SEL1L2: variants seen among roughly 807,000 people sequenced by gnomAD.
SEL1L2 encodes protein sel-1 homolog 2.
SEL1L2 carries 89 observed loss-of-function variants against 98.8 expected under a neutral mutation model. The ratio of observed to expected loss-of-function variants is 0.90; its 90% CI spans 0.76 to 1.07. The LOEUF is 1.07. SEL1L2 is among the 50% of genes least tolerant of loss of function. The probability of loss-of-function intolerance (pLI) is 0.00; values close to 1 mark genes in which losing one functional copy is unlikely to be tolerated. For synonymous variants in SEL1L2, 262 were observed against 278.5 expected (o/e 0.94, Z 0.59); for missense variants, 788 against 812.0 (o/e 0.97, Z 0.36).
chr20:13,953,656 C>G (rs2050380617), intron 2 of SEL1L2, among the ~76,000 whole-genome samples: 2 of 152,134 alleles, frequency 1.3e-5, no homozygotes, highest in East Asian at 3.9e-4. Context: ...GGGTTGGTAA[C>G]CTGGATTTAA....
chr20:13,913,684 A>G, intron 5 of SEL1L2, 98 bp downstream of exon 5: 1 of 1,129,468 alleles, frequency 8.9e-7, no homozygotes, highest in Non-Finnish European at 1.2e-6. Context: ...GGGTTCATGC[A>G]GCAGAGCTGG....
At chr20:13,866,142 C>T (rs911299897) in intron 15 of SEL1L2, among the ~76,000 whole-genome samples, 2 of 152,018 alleles carry the variant, frequency 1.3e-5, no homozygotes, top group African/African-American at 4.8e-5. Flanking sequence ...TTCAGAGGGG[C>T]CAGATTGCAA....
chr20:13,981,551 G>A (rs1038058508), intron 1 of SEL1L2, among the ~76,000 whole-genome samples: 2 of 152,044 alleles, frequency 1.3e-5, no homozygotes, highest in African/African-American at 4.8e-5. Flanking sequence ...ACATCACATT[G>A]TGCCCCATAA....
chr20:13,993,967 A>C (rs1159780483), upstream of SEL1L2, among the ~76,000 whole-genome samples: 1 of 152,164 alleles, frequency 6.6e-6, no homozygotes, highest in African/African-American at 2.4e-5. Context: ...TCCTTCTTGA[A>C]GCCTTCTTTA....
intron 8 of SEL1L2, among the ~76,000 whole-genome samples, chr20:13,887,460 G>C (rs1363769003): frequency 6.6e-6 from 1 of 152,066 alleles, no homozygotes; most frequent in Non-Finnish European, 1.5e-5. Flanking sequence ...TAGGGAAACT[G>C]CTTAATATTT....
At chr20:13,953,630 G>C (rs2148434994) in intron 2 of SEL1L2, among the ~76,000 whole-genome samples, 1 of 152,302 alleles carries the variant, frequency 6.6e-6, no homozygotes, top group Non-Finnish European at 1.5e-5. Flanking sequence ...GGAAGAGTCT[G>C]GATTCTCCTA....
At chr20:13,982,301 A>G (rs1876338360) in intron 1 of SEL1L2, among the ~76,000 whole-genome samples, 1 of 152,104 alleles carries the variant, frequency 6.6e-6, no homozygotes. Flanking sequence ...GTTTGAGCTC[A>G]GGAGTTCAAG....
intron 5 of SEL1L2, among the ~76,000 whole-genome samples, chr20:13,892,101 A>T (rs907483288): frequency 6.6e-6 from 1 of 152,172 alleles, no homozygotes; most frequent in Non-Finnish European, 1.5e-5. Flanking sequence ...TATATAAATG[A>T]CTTGAGATTT....
At chr20:13,911,663 AATG>A (rs1360442740) in intron 5 of SEL1L2, among the ~76,000 whole-genome samples, 1 of 152,182 alleles carries the variant, frequency 6.6e-6, no homozygotes, top group Non-Finnish European at 1.5e-5. Context: ...GGATTTTTAA[AATG>A]ATGATGTCGG....
intron 7 of SEL1L2, 39 bp downstream of exon 7, chr20:13,887,903 G>A: frequency 1.2e-6 from 2 of 1,605,852 alleles, no homozygotes; most frequent in Non-Finnish European, 1.7e-6. Flanking sequence ...TGTATTTATG[G>A]CATACAAATT....
intron 4 of SEL1L2, among the ~76,000 whole-genome samples, chr20:13,918,522 T>TGAA (rs2048508667): frequency 6.6e-6 from 1 of 152,134 alleles, no homozygotes; most frequent in Admixed American, 6.5e-5. Flanking sequence ...TTAACATCTT[T>TGAA]GAATCTCTGT....
At chr20:13,879,959 CA>C (rs1282015528) in intron 10 of SEL1L2, among the ~76,000 whole-genome samples, 3 of 152,176 alleles carry the variant, frequency 2.0e-5, no homozygotes, top group African/African-American at 7.2e-5. Flanking sequence ...TCTGTGATCT[CA>C]CGGCACCTCA....
At chr20:13,898,397 T>G (rs2148068101) in intron 5 of SEL1L2, among the ~76,000 whole-genome samples, 1 of 152,016 alleles carries the variant, frequency 6.6e-6, no homozygotes, top group East Asian at 1.9e-4. Context: ...AAAACAGGAG[T>G]ATTAGAAGAG....
chr20:13,896,518 C>A (rs1299519809), intron 5 of SEL1L2, among the ~76,000 whole-genome samples: 1 of 142,952 alleles, frequency 7.0e-6, no homozygotes, highest in East Asian at 2.1e-4. Context: ...CCCCCCCCCC[C>A]ACACACAAAA....
At chr20:13,889,860 T>C (rs751001024) in intron 5 of SEL1L2, among the ~76,000 whole-genome samples, 5 of 152,264 alleles carry the variant, frequency 3.3e-5, no homozygotes, top group Middle Eastern at 3.4e-3. Context: ...TTTAACGTGA[T>C]GGATGTAAAA....
At chr20:13,968,370 C>G (rs1301896444) in intron 1 of SEL1L2, among the ~76,000 whole-genome samples, 3 of 151,730 alleles carry the variant, frequency 2.0e-5, no homozygotes, top group Non-Finnish European at 4.4e-5. Flanking sequence ...TGCAATGTGC[C>G]TGGCACAGTG....
intron 5 of SEL1L2, among the ~76,000 whole-genome samples, chr20:13,907,700 C>CCCTTTCTTTCTT (rs2047999917): frequency 8.0e-6 from 1 of 125,556 alleles, no homozygotes; most frequent in Non-Finnish European, 1.6e-5. Flanking sequence ...TTCTTTCTTT[C>CCCTTTCTTTCTT]TCTTTCTTTC....
chr20:13,994,049 G>A (rs1225615522), upstream of SEL1L2, among the ~76,000 whole-genome samples: 2 of 151,606 alleles, frequency 1.3e-5, no homozygotes, highest in African/African-American at 2.4e-5. Flanking sequence ...GGTGGCTCAC[G>A]CCTGTAATCC....
At chr20:13,969,679 T>C (rs2051198078) in intron 1 of SEL1L2, among the ~76,000 whole-genome samples, 1 of 152,222 alleles carries the variant, frequency 6.6e-6, no homozygotes, top group African/African-American at 2.4e-5. Context: ...CCATGTATTT[T>C]ACTTATTTGT....
Sources: allele counts gnomAD v4.1 joint callset (sites outside exome capture counted in the v4.1 genomes callset), GRCh38; gene constraint gnomAD v4.1.1; transcripts MANE v1.5; gene names NCBI Gene and HGNC (gene_info 2026-07-23, HGNC 2026-07-21).